Variants in AGAP1 observed in about 807,000 individuals in gnomAD.
AGAP1 encodes arf-GAP with GTPase, ANK repeat and PH domain-containing protein 1.
In AGAP1, 29 loss-of-function variants were observed where a neutral mutation model predicts 105.3. The observed-to-expected ratio is 0.28, with a 90% CI of 0.21 to 0.38. The LOEUF is 0.38. Ranked by LOEUF, AGAP1 falls within the 10% of genes least tolerant of loss-of-function variation. The pLI, the probability that AGAP1 is intolerant of heterozygous loss-of-function variation, is 1.00. For missense variants in AGAP1, 998 were observed against 1,165.1 expected (o/e 0.86, Z 2.09); for synonymous variants, 509 against 485.9 (o/e 1.05, Z -0.63).
At chr2:235,532,184 C>A (rs903100997) in intron 1 of AGAP1, among the ~76,000 whole-genome samples, 1 of 152,248 alleles carries the variant, frequency 6.6e-6, no homozygotes, top group South Asian at 2.1e-4. Flanking sequence ...CCTGCTGTTA[C>A]TCTTGGGGAT....
intron 6 of AGAP1, among the ~76,000 whole-genome samples, chr2:235,786,306 T>C (rs972900990): frequency 6.6e-6 from 1 of 152,232 alleles, no homozygotes. Flanking sequence ...GCATTTGAAA[T>C]GTTACATATT....
At position 235,672,304 on chromosome 2, in the gene AGAP1, G is replaced by A. The variant is rs569172632; in HGVS notation, c.164-36875G>A. On this transcript the variant is annotated intron_variant, in intron 1 of 17. Transcript: ENST00000304032. ...GGTAAAGTGAAGATAAAATGGTCAT[G>A]TTCTAATATGCTCCTAATGATCCTC... is the stretch of plus-strand genomic sequence containing the variant. Among the ~76,000 whole-genome samples the A allele has an allele frequency of 2.8e-3, 427 of 152,342 alleles. 2 individuals carry two copies. Among genetic ancestry groups the A allele is most frequent in the Non-Finnish European group, 5.5e-3 (377 of 68,030 alleles).
At chr2:235,531,146 G>T (rs1943031693) in intron 1 of AGAP1, among the ~76,000 whole-genome samples, 1 of 152,174 alleles carries the variant, frequency 6.6e-6, no homozygotes. Context: ...TCTTAGTTTG[G>T]GATCACAACT....
rs531622116 is a variant in AGAP1 at position 236,065,463 on chromosome 2, G to T, written c.2114+16182G>T. Among the ~76,000 whole-genome samples, 5 of 152,298 alleles carry T rather than the reference G, an allele frequency of 3.3e-5. No individual in the cohort carries two copies. In the East Asian group the frequency reaches 9.6e-4, roughly 29 times the overall value. ...GAAAGCTCCCCTAAATGTTCTGTTC[G>T]CAGGCAGCCTAGAAACCTTTTCTGA... On this transcript the variant is annotated intron_variant, in intron 16 of 17. Coordinates refer to ENST00000304032, the MANE Select transcript of AGAP1 (RefSeq NM_001037131.3).
chr2:235,921,164 T>G (rs1004846282), intron 11 of AGAP1, among the ~76,000 whole-genome samples: 1 of 152,212 alleles, frequency 6.6e-6, no homozygotes, highest in Non-Finnish European at 1.5e-5. Context: ...CAGTGTTGTT[T>G]ATAGCCAGAA....
intron 1 of AGAP1, among the ~76,000 whole-genome samples, chr2:235,567,357 C>T (rs1437246095): frequency 6.6e-6 from 1 of 152,230 alleles, no homozygotes; most frequent in Non-Finnish European, 1.5e-5. Context: ...CCTTCCCTTC[C>T]AGAGCCCCAA....
At chr2:235,854,230 T>C (rs1575619862) in intron 9 of AGAP1, among the ~76,000 whole-genome samples, 1 of 152,324 alleles carries the variant, frequency 6.6e-6, no homozygotes, top group East Asian at 1.9e-4. Context: ...TGACAACTCC[T>C]GTCACAGCTG....
rs544289254 is a variant in AGAP1 at position 235,559,817 on chromosome 2, C to A, written c.163+64968C>A. ...TCTTAGGAGAAATACCTATTCAAATCTTTTGACTGTTTTTAAATTGAGTCT... is the reference window on the plus strand; with the variant it reads ...TCTTAGGAGAAATACCTATTCAAATATTTTGACTGTTTTTAAATTGAGTCT... On this transcript the variant is annotated intron_variant, in intron 1 of 17. Coordinates refer to ENST00000304032, the MANE Select transcript of AGAP1 (RefSeq NM_001037131.3). This position sits in a 1 kb window ranked among gnomAD's most constrained non-coding sequence, Gnocchi z 5.7. Among the ~76,000 whole-genome samples the A allele has an allele frequency of 2.6e-5, 4 of 151,346 alleles. No individual in the cohort carries two copies. The highest frequency in any genetic ancestry group is 1.3e-4 in the Admixed American group (2 of 15,172).
Position 236,078,613 on chromosome 2 carries a change from A to G in AGAP1, c.2114+29332A>G, listed in dbSNP as rs2058704733. ...GAAAACGTAATCTCCCTAGATAAGT[A>G]TTACCACTGAACCACCTGCTGAGCA... is the stretch of plus-strand genomic sequence containing the variant. On this transcript the variant is annotated intron_variant, in intron 16 of 17. Coordinates refer to ENST00000304032, the MANE Select transcript of AGAP1 (RefSeq NM_001037131.3). This position sits in a 1 kb window ranked among gnomAD's most constrained non-coding sequence, Gnocchi z 5.3. Among the ~76,000 whole-genome samples, 1 of 152,144 alleles carries G rather than the reference A, an allele frequency of 6.6e-6. No homozygotes were observed.
At chr2:235,511,870 G>GGA (rs1559212667) in intron 1 of AGAP1, among the ~76,000 whole-genome samples, 4 of 149,784 alleles carry the variant, frequency 2.7e-5, no homozygotes, top group East Asian at 2.0e-4. Context: ...GAATGTGTGT[G>GGA]TGTATGTGAA....
Position 235,609,792 on chromosome 2 carries a change from G to A in AGAP1, c.164-99387G>A, listed in dbSNP as rs765895976. Among the ~76,000 whole-genome samples, 5 of 152,106 alleles carry A rather than the reference G, an allele frequency of 3.3e-5. No homozygotes were observed. The highest frequency in any genetic ancestry group is 5.9e-5 in the Non-Finnish European group (4 of 68,032). Reference sequence around the variant, plus strand: ...ACTCCCAACTCACAGGCCAGAAAGTGTAGTGGGAGGCTGTGGGCATATTTG... The same window carrying A: ...ACTCCCAACTCACAGGCCAGAAAGTATAGTGGGAGGCTGTGGGCATATTTG... On this transcript the variant is annotated intron_variant, in intron 1 of 17. Coordinates refer to ENST00000304032, the MANE Select transcript of AGAP1 (RefSeq NM_001037131.3). This position sits in a 1 kb window ranked among gnomAD's most constrained non-coding sequence, Gnocchi z 5.1.
In AGAP1 at chr2:236,076,178, C is replaced by T. The variant is rs184978295; in HGVS notation, c.2114+26897C>T. Among the ~76,000 whole-genome samples, 2 of 152,290 alleles carry T rather than the reference C, an allele frequency of 1.3e-5. No individual in the cohort carries two copies. Among genetic ancestry groups the T allele is most frequent in the East Asian group, 1.9e-4 (1 of 5,172 alleles). On this transcript the variant is annotated intron_variant, in intron 16 of 17. Coordinates refer to ENST00000304032, the MANE Select transcript of AGAP1 (RefSeq NM_001037131.3). The surrounding 1 kb of genome is among the most constrained non-coding windows in gnomAD (Gnocchi z 4.4). Reference sequence around the variant, plus strand: ...TTTTTAAAGTCTTGAGGCGGGGCGCCGTGGCTCATGCCTGTAATCCCAGCA... The same window carrying T: ...TTTTTAAAGTCTTGAGGCGGGGCGCTGTGGCTCATGCCTGTAATCCCAGCA...
intron 6 of AGAP1, chr2:235,776,967 C>T (rs764142941): frequency 5.1e-5 from 24 of 471,206 alleles, no homozygotes; most frequent in South Asian, 3.7e-4. Context: ...CTTTGCTTCC[C>T]TTTGCTGAGT....
chr2:235,788,694 C>T lies in AGAP1; in HGVS notation c.674-9065C>T, dbSNP rs1355563285. 3.3e-5 allele frequency among the ~76,000 whole-genome samples: 5 copies of T among 152,066 alleles called. No homozygotes were observed. The highest frequency in any genetic ancestry group is 1.5e-5 in the Non-Finnish European group (1 of 68,018). ...AGACTGAAGCCTGAGACATGACCCC[C>T]GAGGGTTCTCCAGACAGGATCATTT... On this transcript the variant is annotated intron_variant, in intron 6 of 17. Transcript: ENST00000304032. This position sits in a 1 kb window ranked among gnomAD's most constrained non-coding sequence, Gnocchi z 6.0.
Position 235,494,660 on chromosome 2 carries a change from C to G in AGAP1, c.-27C>G. The G allele has an allele frequency of 9.0e-7, 1 of 1,106,210 alleles. No individual in the cohort carries two copies. Among genetic ancestry groups the G allele is most frequent in the Non-Finnish European group, 1.1e-6 (1 of 888,446 alleles). 68.5% of individuals were successfully genotyped at this position (1,106,210 alleles called of 1,614,324 possible). ...CGCGGGGCGGCGGCGGCGGGGGGCG[C>G]GCGGCTCCGGGCGCGGCGCCTGCAC... On this transcript the variant is annotated 5_prime_UTR_variant, in exon 1 of 18. Transcript: ENST00000304032.
At chr2:235,941,595 T>A (rs1482950847) in intron 12 of AGAP1, among the ~76,000 whole-genome samples, 2 of 152,188 alleles carry the variant, frequency 1.3e-5, no homozygotes, top group Non-Finnish European at 2.9e-5. Context: ...GTGTGCGAAT[T>A]CCTAAGCATG....
intron 6 of AGAP1, among the ~76,000 whole-genome samples, chr2:235,791,585 G>C (rs1956980178): frequency 6.6e-6 from 1 of 152,018 alleles, no homozygotes; most frequent in African/African-American, 2.4e-5. Flanking sequence ...TCTTTGGCCA[G>C]ACTGGAGTAC....
chr2:236,105,936 A>T lies in AGAP1; in HGVS notation c.2115-14256A>T, dbSNP rs1159306591. ...TCTTATAAGAGTGAGAATCCCATTCATGGGAGTCTACTCTCCTGACCTAAT... is the reference window on the plus strand; with the variant it reads ...TCTTATAAGAGTGAGAATCCCATTCTTGGGAGTCTACTCTCCTGACCTAAT... On this transcript the variant is annotated intron_variant, in intron 16 of 17. Coordinates refer to ENST00000304032, the MANE Select transcript of AGAP1 (RefSeq NM_001037131.3). This position sits in a 1 kb window ranked among gnomAD's most constrained non-coding sequence, Gnocchi z 4.2. 6.6e-6 allele frequency among the ~76,000 whole-genome samples: 1 copy of T among 152,106 alleles called. No homozygotes were observed. The highest frequency in any genetic ancestry group is 1.9e-4 in the East Asian group (1 of 5,152).
At chr2:235,819,577 C>T (rs1376583368) in intron 9 of AGAP1, among the ~76,000 whole-genome samples, 1 of 152,136 alleles carries the variant, frequency 6.6e-6, no homozygotes, top group Non-Finnish European at 1.5e-5. Flanking sequence ...TTAATCTGTG[C>T]TCGTGAAAAT....
Sources: gnomAD v4.1 joint callset for allele counts (sites outside exome capture counted in the v4.1 genomes callset) on GRCh38, gnomAD v4.1.1 for gene constraint, Gnocchi (gnomAD v3.1) non-coding constraint, MANE v1.5 for transcripts, NCBI Gene and HGNC (gene_info 2026-07-23, HGNC 2026-07-21) for gene names.